Variants in BCO2 observed in about 807,000 individuals in gnomAD.
The protein encoded by BCO2 is carotenoid-cleaving dioxygenase, mitochondrial.
In BCO2, 56 loss-of-function variants were observed where a neutral mutation model predicts 65.8. That is an observed-to-expected ratio of 0.85 (90% CI 0.69 to 1.06). The LOEUF (loss-of-function observed/expected upper bound fraction) is 1.06. Ranked by LOEUF, BCO2 falls within the 50% of genes least tolerant of loss-of-function variation. The pLI is 0.00. For missense variants in BCO2, 675 were observed against 698.5 expected, an observed-to-expected ratio of 0.97 and a Z score of 0.38; for synonymous variants, 233 against 242.3, an observed-to-expected ratio of 0.96 and a Z score of 0.36.
chr11:112,183,192 G>A (rs1867104110), intron 2 of BCO2: 12 of 889,330 alleles, frequency 1.3e-5, no homozygotes, highest in Admixed American at 5.2e-5. Flanking sequence ...TGTCAGATGA[G>A]AAATTTTAGG....
rs149630445 is a variant in BCO2, at chr11:112,202,075, A to G, written c.1079A>G (p.Asn360Ser). Residue 360 changes from asparagine (N) to serine (S), a missense_variant, in exon 8 of 12, where the codon AAT becomes AGT. By Grantham distance (46) the Asn-to-Ser change is conservative. Transcript: ENST00000357685. ...SKPFVTFHQI[N>S]AFEDQGCVII... ...CCTTTTGTTACATTTCATCAAATCA[A>G]TGCCTTTGAGGACCAGGGCTGTGTT... The G allele has an allele frequency of 1.3e-5, 21 of 1,613,136 alleles. No homozygotes were observed. In the African/African-American group the frequency reaches 2.1e-4, roughly 16 times the overall value.
intron 6 of BCO2, 42 bp downstream of exon 6, chr11:112,199,869 G>C: frequency 6.2e-7 from 1 of 1,604,438 alleles, no homozygotes; most frequent in Non-Finnish European, 8.5e-7. Flanking sequence ...GCTCTGCCTT[G>C]ATGTTGCTGT....
chr11:112,206,373 C>T (rs561534203), intron 8 of BCO2, among the ~76,000 whole-genome samples: 33 of 151,770 alleles, frequency 2.2e-4, no homozygotes, highest in African/African-American at 5.1e-4. Flanking sequence ...CGGGCAGAGG[C>T]GCTCCTCACT....
chr11:112,177,909 C>CTTTTT (rs11460820), intron 1 of BCO2, among the ~76,000 whole-genome samples: 1 of 135,388 alleles, frequency 7.4e-6, no homozygotes, highest in East Asian at 2.2e-4. Flanking sequence ...ATGGAATTTG[C>CTTTTT]TTTTTTTTTT....
Position 112,199,695 on chromosome 11 carries a change from T to G in BCO2, c.737-4T>G. The stretch of plus-strand genomic sequence containing the variant: ...CAGGTAAGATAGGACTTTTCATTTT[T>G]CAGGTTTCTCCTATAAGGTTATTCG... On this transcript the variant is annotated splice_region_variant and splice_polypyrimidine_tract_variant and intron_variant, in intron 5 of 11. Transcript: ENST00000357685. 1 of 1,612,774 alleles carries G rather than the reference T, an allele frequency of 6.2e-7. No individual in the cohort carries two copies. Among genetic ancestry groups the G allele is most frequent in the Non-Finnish European group, 8.5e-7 (1 of 1,179,236 alleles).
chr11:112,206,104 C>T (rs1867860803), intron 8 of BCO2, among the ~76,000 whole-genome samples: 1 of 152,236 alleles, frequency 6.6e-6, no homozygotes, highest in Non-Finnish European at 1.5e-5. Context: ...AGAGGCGCTC[C>T]TCACATCCTA....
At chr11:112,178,554 C>T (rs960670995) in intron 1 of BCO2, among the ~76,000 whole-genome samples, 3 of 152,182 alleles carry the variant, frequency 2.0e-5, no homozygotes, top group African/African-American at 7.2e-5. Flanking sequence ...GACCACCCCT[C>T]TATGTTAGGC....
chr11:112,213,865 T>C lies in BCO2; in HGVS notation c.1332+4T>C, dbSNP rs1263702320. The C allele has an allele frequency of 1.2e-6, 2 of 1,603,500 alleles. No individual in the cohort carries two copies. Among genetic ancestry groups the C allele is most frequent in the African/African-American group, 1.3e-5 (1 of 74,608 alleles). On this transcript the variant is annotated splice_donor_region_variant and intron_variant, in intron 9 of 11. Transcript: ENST00000357685. ...TGTGAAACAGGCTGATGGAACGGTATGCTATGAACAGACATTAGACTAAGA... is the reference window on the plus strand; with the variant it reads ...TGTGAAACAGGCTGATGGAACGGTACGCTATGAACAGACATTAGACTAAGA...
intron 2 of BCO2, among the ~76,000 whole-genome samples, chr11:112,189,171 A>G (rs1401927861): frequency 2.0e-5 from 3 of 152,120 alleles, no homozygotes; most frequent in Non-Finnish European, 4.4e-5. Flanking sequence ...AAAATGGATA[A>G]TTCTATAGGG....
chr11:112,203,414 A>G (rs1471365430), intron 8 of BCO2, among the ~76,000 whole-genome samples: 1 of 152,092 alleles, frequency 6.6e-6, no homozygotes, highest in Non-Finnish European at 1.5e-5. Context: ...GGCCTTTTGC[A>G]TGTCTATAAA....
chr11:112,217,676 T>G, intron 11 of BCO2, 85 bp from the exon 12 acceptor site: 1 of 892,166 alleles, frequency 1.1e-6, no homozygotes, highest in Non-Finnish European at 1.8e-6. Context: ...GGTCTCTCCA[T>G]TAGGAATTTT....
chr11:112,213,186 C>G (rs1399805293), intron 8 of BCO2, among the ~76,000 whole-genome samples: 1 of 116,312 alleles, frequency 8.6e-6, no homozygotes, highest in Non-Finnish European at 1.6e-5. Context: ...TCTTGTTGCC[C>G]AGGCTGGAGT....
intron 2 of BCO2, chr11:112,181,552 A>G: frequency 2.7e-6 from 2 of 747,676 alleles, no homozygotes; most frequent in Non-Finnish European, 5.0e-6. Flanking sequence ...TGGACAGCTC[A>G]TTGTAAATGA....
intron 2 of BCO2, among the ~76,000 whole-genome samples, chr11:112,184,655 A>G (rs1470921828): frequency 6.6e-6 from 1 of 152,142 alleles, no homozygotes; most frequent in African/African-American, 2.4e-5. Flanking sequence ...AATACCAATC[A>G]GTCAGCACCT....
chr11:112,183,246 T>C, intron 2 of BCO2: 1 of 748,818 alleles, frequency 1.3e-6, no homozygotes, highest in Admixed American at 1.9e-5. Context: ...TCCTTATCAC[T>C]TTTCTTTCTC....
intron 8 of BCO2, among the ~76,000 whole-genome samples, chr11:112,205,659 A>T (rs950352603): frequency 6.6e-6 from 1 of 150,588 alleles, no homozygotes; most frequent in Non-Finnish European, 1.5e-5. Context: ...GGGTCTTATT[A>T]TGTTGCCAAG....
chr11:112,199,492 T>TA (rs34724785), intron 5 of BCO2, among the ~76,000 whole-genome samples: 2 of 152,290 alleles, frequency 1.3e-5, no homozygotes, highest in South Asian at 4.1e-4. Context: ...ACTTTGGATG[T>TA]CTGTTTCAAA....
chr11:112,181,001 T>C (rs1179386676), intron 2 of BCO2: 3 of 1,392,450 alleles, frequency 2.2e-6, no homozygotes, highest in Non-Finnish European at 3.1e-6. Context: ...TCAGACAGAT[T>C]CTAAGCCTCC....
rs753077095 is a variant in BCO2 at position 112,217,779 on chromosome 11, C to T, written c.1645C>T (p.Leu549=). The T allele has an allele frequency of 6.2e-7, 1 of 1,612,020 alleles. No individual in the cohort carries two copies. The highest frequency in any genetic ancestry group is 1.1e-5 in the South Asian group (1 of 90,862). ...TPNQNESNFI[L]VLDAKNFEEL... is the part of the protein sequence containing the mutation. Reference sequence around the variant, plus strand: ...TTTCTAGAATGAAAGCAATTTTATCCTAGTTTTGGATGCCAAGAACTTTGA... The same window carrying T: ...TTTCTAGAATGAAAGCAATTTTATCTTAGTTTTGGATGCCAAGAACTTTGA... Residue 549 remains leucine (L), a synonymous_variant, in exon 12 of 12, where the codon CTA becomes TTA. Coordinates refer to ENST00000357685, the MANE Select transcript of BCO2 (RefSeq NM_031938.7).
Sources: gnomAD v4.1 joint callset for allele counts (sites outside exome capture counted in the v4.1 genomes callset) on GRCh38, gnomAD v4.1.1 for gene constraint, MANE v1.5 for transcripts, NCBI Gene and HGNC (gene_info 2026-07-23, HGNC 2026-07-21) for gene names.